Variants in LAT2 observed in about 807,000 individuals in gnomAD.
LAT2 encodes the protein linker for activation of T-cells family member 2.
Under a neutral mutation model 43.4 loss-of-function variants are expected in LAT2, and 23 were observed. The ratio of observed to expected loss-of-function variants is 0.53; its 90% CI spans 0.38 to 0.75. The LOEUF (loss-of-function observed/expected upper bound fraction) is 0.75. LAT2 is among the 30% of genes least tolerant of loss of function. The pLI, the probability that LAT2 is intolerant of heterozygous loss-of-function variation, is 0.00. For missense variants in LAT2, 284 were observed against 310.2 expected (o/e 0.92, Z 0.64); for synonymous variants, 128 against 123.2 (o/e 1.04, Z -0.26).
chr7:74,216,393 CAG>C (rs1554714309), intron 3 of LAT2, among the ~76,000 whole-genome samples: 1 of 151,868 alleles, frequency 6.6e-6, no homozygotes, highest in Admixed American at 6.6e-5. Context: ...TTTTTTTGGA[CAG>C]AGTCTTGCTC....
At position 74,220,815 on chromosome 7, in the gene LAT2, C is replaced by A; in HGVS notation, c.332+81C>A. The A allele has an allele frequency of 8.0e-7, 1 of 1,249,818 alleles. No homozygotes were observed. The highest frequency in any genetic ancestry group is 1.1e-6 in the Non-Finnish European group (1 of 917,128). 77.4% of individuals were successfully genotyped at this position (1,249,818 alleles called of 1,614,324 possible). On this transcript the variant is annotated intron_variant, in intron 9 of 13. Transcript: ENST00000460943. The surrounding 1 kb of genome is among the most constrained non-coding windows in gnomAD (Gnocchi z 4.5). ...CCCCCTGCCCCACCTCTCCCCCTGC[C>A]CCACCTGCCTGCCACAGCCCTGGGC...
intron 13 of LAT2, chr7:74,225,415 T>C (rs1259845637): frequency 6.6e-6 from 1 of 152,154 alleles, no homozygotes; most frequent in African/African-American, 2.4e-5. Context: ...AAACAGACAT[T>C]GCACACAAAG....
At chr7:74,222,989 CCATACTCAGCCTGGGTCCCCGAGCAAAG>C (rs1409601108) in intron 10 of LAT2, among the ~76,000 whole-genome samples, 4 of 152,216 alleles carry the variant, frequency 2.6e-5, no homozygotes, top group Non-Finnish European at 4.4e-5. Flanking sequence ...CGCTGAGGTG[CCATACTCAGCCTGGGTCCCCGAGCAAAG>C]CATCCTCAGC....
chr7:74,221,568 C>G, intron 9 of LAT2, 69 bp from the exon 10 acceptor site: 1 of 1,315,330 alleles, frequency 7.6e-7, no homozygotes, highest in Non-Finnish European at 1.1e-6. Flanking sequence ...CTCACCGCCC[C>G]CTTATGGAGC....
rs1802418639 is a variant in LAT2 at position 74,224,683 on chromosome 7, G to A, written c.673G>A (p.Asp225Asn). The change falls in exon 13 of 14, where the codon GAC becomes AAC. Residue 225 changes from aspartate to asparagine, a missense_variant. By Grantham distance (23) the Asp-to-Asn change is conservative (BLOSUM62 1). Transcript: ENST00000460943. ...ATCCCCTGGCCCGGTGGGAAGCCCA[G>A]ACGAGGAGGACGGGGAACCGGATTA... is the stretch of plus-strand genomic sequence containing the variant. The part of the protein sequence containing the change: ...EASPGPVGSP[D>N]EEDGEPDYVN... 6.2e-7 allele frequency: 1 copy of A among 1,608,692 alleles called. No individual in the cohort carries two copies. The highest frequency in any genetic ancestry group is 1.3e-5 in the African/African-American group (1 of 74,986).
rs550869351 is a variant in LAT2, at chr7:74,216,105, G to A, written c.94+36G>A. 7.8e-6 allele frequency: 12 copies of A among 1,544,946 alleles called. 1 individual carries two copies. The South Asian group carries it at 1.4e-4, about 18-fold the overall frequency. On this transcript the variant is annotated intron_variant, in intron 3 of 13. Transcript: ENST00000460943. The stretch of plus-strand genomic sequence containing the variant: ...GTCTCGGGGACGTGATGGGGAGAAG[G>A]TGTGGACAGTGCATCTCAGAGGCCC...
Position 74,220,573 on chromosome 7 carries a change from C to T in LAT2, c.266-11C>T. On this transcript the variant is annotated splice_polypyrimidine_tract_variant and intron_variant, in intron 7 of 13. Transcript: ENST00000460943. This position sits in a 1 kb window ranked among gnomAD's most constrained non-coding sequence, Gnocchi z 4.5. Reference sequence around the variant, plus strand: ...CAGGGGAGAAAGCAATTAGCTGGGTCTTTCTTCCAGATCCAGCATCTTCCA... The same window carrying T: ...CAGGGGAGAAAGCAATTAGCTGGGTTTTTCTTCCAGATCCAGCATCTTCCA... 1 of 1,614,014 alleles carries T rather than the reference C, an allele frequency of 6.2e-7. No individual in the cohort carries two copies. Among genetic ancestry groups the T allele is most frequent in the South Asian group, 1.1e-5 (1 of 91,076 alleles).
At chr7:74,218,671 G>A (rs1554714555) in intron 4 of LAT2, among the ~76,000 whole-genome samples, 1 of 152,192 alleles carries the variant, frequency 6.6e-6, no homozygotes, top group African/African-American at 2.4e-5. Flanking sequence ...TTGGTGCAAG[G>A]AAGGCTAGGA....
chr7:74,223,633 C>T, intron 10 of LAT2, 91 bp from the exon 11 acceptor site: 1 of 1,274,774 alleles, frequency 7.8e-7, no homozygotes, highest in Non-Finnish European at 1.1e-6. Flanking sequence ...AAGAGGTCCC[C>T]TGCAAAGGGA....
At chr7:74,219,426 G>A (rs1584218761) in intron 4 of LAT2, among the ~76,000 whole-genome samples, 2 of 152,070 alleles carry the variant, frequency 1.3e-5, no homozygotes, top group Non-Finnish European at 2.9e-5. Context: ...CTCCTGACCC[G>A]TCTCCAGGGG....
chr7:74,217,324 T>G (rs1376856482), intron 4 of LAT2, among the ~76,000 whole-genome samples: 3 of 151,924 alleles, frequency 2.0e-5, no homozygotes, highest in African/African-American at 7.3e-5. Flanking sequence ...CCAGCTACTC[T>G]GGAGGCTGAG....
intron 9 of LAT2, 148 bp from the exon 10 acceptor site, chr7:74,221,489 G>T: frequency 4.1e-6 from 2 of 493,320 alleles, no homozygotes; most frequent in Non-Finnish European, 7.2e-6. Flanking sequence ...GGGGGTGGGG[G>T]AATCAGAGAG....
At position 74,220,527 on chromosome 7, in the gene LAT2, A is replaced by G. The variant is rs1272400103; in HGVS notation, c.266-57A>G. 1.2e-6 allele frequency: 2 copies of G among 1,605,050 alleles called. No individual in the cohort carries two copies. Among genetic ancestry groups the G allele is most frequent in the East Asian group, 2.2e-5 (1 of 44,822 alleles). On this transcript the variant is annotated intron_variant, in intron 7 of 13. Transcript: ENST00000460943. This position sits in a 1 kb window ranked among gnomAD's most constrained non-coding sequence, Gnocchi z 4.5. ...GCCCTGCCTTGGGCTGCAGCACCCG[A>G]GCTGGGTGCAAAGCAGGGGCCAGGG... is the stretch of plus-strand genomic sequence containing the variant.
chr7:74,216,910 G>A (rs1554714372), intron 4 of LAT2, 46 bp downstream of exon 4: 4 of 1,538,554 alleles, frequency 2.6e-6, no homozygotes, highest in Middle Eastern at 1.7e-4. Context: ...ATGTGCCCTG[G>A]GCATGGACGT....
chr7:74,216,067 C>G lies in LAT2; in HGVS notation c.92C>G (p.Pro31Arg). 6.2e-7 allele frequency: 1 copy of G among 1,608,708 alleles called. No individual in the cohort carries two copies. The highest frequency in any genetic ancestry group is 8.5e-7 in the Non-Finnish European group (1 of 1,177,646). The change falls in exon 3 of 14, where the codon CCA (proline) becomes CGA (arginine). Residue 31 changes from proline to arginine, a missense_variant and splice_region_variant. Physicochemically the swap from Pro to Arg is moderately radical, Grantham distance 103 (BLOSUM62 -2). Transcript: ENST00000460943. ...AASLCVRCSR[P>R]GAKRSEKIYQ... Reference sequence around the variant, plus strand: ...AGTCTGTGTGTGCGCTGCTCACGCCCAGGTAAGCGGGGGTCTCGGGGACGT... The same window carrying G: ...AGTCTGTGTGTGCGCTGCTCACGCCGAGGTAAGCGGGGGTCTCGGGGACGT...
At position 74,216,033 on chromosome 7, in the gene LAT2, G is replaced by A; in HGVS notation, c.58G>A (p.Val20Met). 2 of 1,613,610 alleles carry A rather than the reference G, an allele frequency of 1.2e-6. No homozygotes were observed. The highest frequency in any genetic ancestry group is 1.7e-6 in the Non-Finnish European group (2 of 1,179,878). Residue 20 changes from valine (V) to methionine (M), a missense_variant, in exon 3 of 14, where the codon GTG becomes ATG. Transcript: ENST00000460943. Reference protein sequence around the residue: ...PGAALLVLLGVAASLCVRCSR... With the variant: ...PGAALLVLLGMAASLCVRCSR... Reference sequence around the variant, plus strand: ...AGCAGCGCTGCTGGTGCTGTTGGGGGTGGCAGCCAGTCTGTGTGTGCGCTG... The same window carrying A: ...AGCAGCGCTGCTGGTGCTGTTGGGGATGGCAGCCAGTCTGTGTGTGCGCTG...
In LAT2 at chr7:74,227,942, G is replaced by A. The variant is rs1049951531; in HGVS notation, c.*19-1002G>A. Among the ~76,000 whole-genome samples, 29 of 151,786 alleles carry A rather than the reference G, an allele frequency of 1.9e-4. 1 individual carries two copies. Among genetic ancestry groups the A allele is most frequent in the African/African-American group, 6.1e-4 (25 of 41,292 alleles). Reference sequence around the variant, plus strand: ...TGTAATCCCAGCACTTTGGGAGGCTGAGGCAGGCTGATCACCTGAGGTCAG... The same window carrying A: ...TGTAATCCCAGCACTTTGGGAGGCTAAGGCAGGCTGATCACCTGAGGTCAG... On this transcript the variant is annotated intron_variant, in intron 13 of 13. Coordinates refer to ENST00000460943, the MANE Select transcript of LAT2 (RefSeq NM_032464.3).
At position 74,217,450 on chromosome 7, in the gene LAT2, G is replaced by GA. The variant is rs150474090; in HGVS notation, c.134+596dup. ...CGTCTCAGAAAAGAAAAAAAGAAAA[G>GA]AAAAAAAAAATAGAGGTCCACCAGG... On this transcript the variant is annotated intron_variant, in intron 4 of 13. Coordinates refer to ENST00000460943, the MANE Select transcript of LAT2 (RefSeq NM_032464.3). 7.0e-3 allele frequency among the ~76,000 whole-genome samples: 1,037 copies of GA among 148,498 alleles called. 12 individuals carry two copies. The highest frequency in any genetic ancestry group is 0.022 in the African/African-American group (871 of 40,452).
At chr7:74,225,760 C>A (rs1402777924) in intron 13 of LAT2, 1 of 152,366 alleles carries the variant, frequency 6.6e-6, no homozygotes, top group Non-Finnish European at 1.5e-5. Flanking sequence ...ATCTGGGAGA[C>A]CCAGGCCGTC....
Sources: allele counts gnomAD v4.1 joint callset (sites outside exome capture counted in the v4.1 genomes callset), GRCh38; gene constraint gnomAD v4.1.1; non-coding constraint Gnocchi (gnomAD v3.1); transcripts MANE v1.5; gene names NCBI Gene and HGNC (gene_info 2026-07-23, HGNC 2026-07-21).